The following NRL variants were observed in gnomAD, a reference collection of about 807,000 sequenced individuals.
The protein encoded by NRL is neural retina-specific leucine zipper protein.
In NRL, 16 loss-of-function variants were observed where a neutral mutation model predicts 12.5. That is an observed-to-expected ratio of 1.28 (90% CI 0.87 to 1.95). NRL has a LOEUF of 1.95. NRL is among the 30% of genes most tolerant of loss of function. The pLI, the probability that NRL is intolerant of heterozygous loss-of-function variation, is 0.00. For missense variants in NRL, 314 were observed against 325.8 expected, an observed-to-expected ratio of 0.96 and a Z score of 0.28; for synonymous variants, 142 against 150.9, an observed-to-expected ratio of 0.94 and a Z score of 0.43.
rs2138864497 is a variant in NRL at position 24,079,984 on chromosome 14, C to A, written c.*1252G>T. Reference sequence around the variant, plus strand: ...TGCCCCTCCACCCCATTTCCATTGGCTCTCCATAACAGATGTGCCACCCAG... The same window carrying A: ...TGCCCCTCCACCCCATTTCCATTGGATCTCCATAACAGATGTGCCACCCAG... On this transcript the variant is annotated 3_prime_UTR_variant, in exon 3 of 3. Coordinates refer to ENST00000561028, the MANE Select transcript of NRL (RefSeq NM_001354768.3). 1 of 152,298 alleles carries A rather than the reference C, an allele frequency of 6.6e-6. No individual in the cohort carries two copies. Among genetic ancestry groups the A allele is most frequent in the African/African-American group, 2.4e-5 (1 of 41,546 alleles). 9.4% of individuals were successfully genotyped at this position (152,298 alleles called of 1,614,324 possible). A position where few individuals can be genotyped will look rare whatever the true frequency, so the allele number is the denominator to read the frequency against.
At chr14:24,099,348 G>A (rs1221119266) in intron 1 of NRL, 1 of 1,156,646 alleles carries the variant, frequency 8.6e-7, no homozygotes, top group Non-Finnish European at 1.2e-6. Context: ...TGGTGGGCGG[G>A]GACTCTACTT....
At chr14:24,089,528 T>C (rs2036559002) in intron 1 of NRL, among the ~76,000 whole-genome samples, 1 of 152,242 alleles carries the variant, frequency 6.6e-6, no homozygotes. Flanking sequence ...TTACAAGGCA[T>C]GAGCCACCAC....
chr14:24,102,926 G>T (rs1167097622), intron 1 of NRL: 3 of 1,601,190 alleles, frequency 1.9e-6, no homozygotes, highest in Non-Finnish European at 2.6e-6. Flanking sequence ...CTTGGCAAAA[G>T]GGCTATCTCT....
In NRL at chr14:24,094,069, A is replaced by C. The variant is rs1430576451; in HGVS notation, c.-27-11194T>G. On this transcript the variant is annotated intron_variant, in intron 1 of 2. Coordinates refer to ENST00000561028, the MANE Select transcript of NRL (RefSeq NM_001354768.3). This position sits in a 1 kb window ranked among gnomAD's most constrained non-coding sequence, Gnocchi z 4.1. ...TGTGCGGCTGGGAGGGCGGTGGCGG[A>C]TGGGGGGCGGGGCCTCGAAGTCGGG... is the stretch of plus-strand genomic sequence containing the variant. 5.6e-6 allele frequency: 3 copies of C among 533,876 alleles called. No individual in the cohort carries two copies. Among genetic ancestry groups the C allele is most frequent in the Non-Finnish European group, 9.8e-6 (3 of 304,752 alleles). 33.1% of individuals were successfully genotyped at this position (533,876 alleles called of 1,614,324 possible). A position where few individuals can be genotyped will look rare whatever the true frequency, so the allele number is the denominator to read the frequency against.
At chr14:24,091,155 G>A (rs1161441682) in intron 1 of NRL, among the ~76,000 whole-genome samples, 1 of 150,488 alleles carries the variant, frequency 6.6e-6, no homozygotes, top group East Asian at 1.9e-4. Flanking sequence ...GTGTGTGTGT[G>A]TGTGTGTGTG....
intron 1 of NRL, chr14:24,099,465 C>T: frequency 8.2e-7 from 1 of 1,222,610 alleles, no homozygotes. Context: ...AAACATTGGT[C>T]CTCCCTATTA....
intron 1 of NRL, 51 bp downstream of exon 1, chr14:24,114,664 CCTCCTTG>C: frequency 1.0e-6 from 1 of 985,372 alleles, no homozygotes; most frequent in Non-Finnish European, 1.2e-6. Flanking sequence ...AGCTAACAGC[CCTCCTTG>C]GGTGTGCACT....
intron 1 of NRL, chr14:24,103,743 G>T (rs1369042648): frequency 1.2e-6 from 2 of 1,614,182 alleles, no homozygotes; most frequent in Admixed American, 3.3e-5. Flanking sequence ...GGAGGACAGT[G>T]CCCGAGAGAC....
At chr14:24,091,173 C>T (rs2036621053) in intron 1 of NRL, among the ~76,000 whole-genome samples, 1 of 137,428 alleles carries the variant, frequency 7.3e-6, no homozygotes, top group African/African-American at 2.8e-5. Context: ...GTGTTAGAGA[C>T]AGAGTCTCAC....
chr14:24,088,673 G>GAT (rs1345444355), intron 1 of NRL, among the ~76,000 whole-genome samples: 1 of 145,490 alleles, frequency 6.9e-6, no homozygotes, highest in Non-Finnish European at 1.5e-5. Context: ...TTTTTTTTGA[G>GAT]ATAGCTCTGT....
chr14:24,103,384 CT>C, intron 1 of NRL: 1 of 1,161,584 alleles, frequency 8.6e-7, no homozygotes, highest in Non-Finnish European at 1.3e-6. Context: ...CCACTTCTAT[CT>C]TTTCCCCATC....
At chr14:24,096,877 CT>C (rs1412182493) in intron 1 of NRL, 1 of 1,606,106 alleles carries the variant, frequency 6.2e-7, no homozygotes, top group African/African-American at 1.3e-5. Flanking sequence ...CTCATTGCCT[CT>C]GTTTCTCCTA....
chr14:24,095,432 C>G (rs1373137303), intron 1 of NRL: 3 of 349,906 alleles, frequency 8.6e-6, no homozygotes, highest in Non-Finnish European at 1.7e-5. Flanking sequence ...ATCTATCCTG[C>G]TTTAGCGGAA....
chr14:24,101,688 C>G (rs573508266), intron 1 of NRL, among the ~76,000 whole-genome samples: 2 of 152,094 alleles, frequency 1.3e-5, no homozygotes, highest in African/African-American at 2.4e-5. Flanking sequence ...TTTGGGAGGC[C>G]GAGGCAGTTG....
At position 24,082,746 on chromosome 14, in the gene NRL, G is replaced by A. The variant is rs374903210; in HGVS notation, c.103C>T (p.Pro35Ser). Residue 35 changes from proline (P) to serine (S), a missense_variant, in exon 2 of 3, where the codon CCT (proline) becomes TCT (serine). Pro to Ser is a moderately conservative substitution (Grantham distance 74, BLOSUM62 -1). Coordinates refer to ENST00000561028, the MANE Select transcript of NRL (RefSeq NM_001354768.3). ...REPSEGRPGP[P>S]TASLGSTPYS... is the part of the protein sequence containing the mutation. ...GGTGTGGAGCCCAGTGAGGCTGTAGGGGGGCCAGGTCGGCCCTCAGAGGGT... is the reference window on the plus strand; with the variant it reads ...GGTGTGGAGCCCAGTGAGGCTGTAGAGGGGCCAGGTCGGCCCTCAGAGGGT... The A allele has an allele frequency of 1.2e-6, 2 of 1,614,206 alleles. No individual in the cohort carries two copies. The highest frequency in any genetic ancestry group is 1.7e-6 in the Non-Finnish European group (2 of 1,180,042).
intron 1 of NRL, chr14:24,097,145 T>C (rs1269711047): frequency 6.2e-7 from 1 of 1,612,810 alleles, no homozygotes; most frequent in East Asian, 2.2e-5. Context: ...CTGGTAAGCC[T>C]TGGGCTCCAC....
In NRL at chr14:24,082,548, C is replaced by G; in HGVS notation, c.301G>C (p.Gly101Arg). ...CCATCAACAGGGACTGGGCCCTGAC[C>G]CTGCAGCAGCTCCATGGCCTCTTCA... ...SPEEAMELLQGQGPVPVDGPH... is the reference protein window; with the variant it reads ...SPEEAMELLQRQGPVPVDGPH... Residue 101 changes from glycine (G) to arginine (R), a missense_variant, in exon 2 of 3, where the codon GGT becomes CGT. Physicochemically the swap from Gly to Arg is moderately radical, Grantham distance 125. Coordinates refer to ENST00000561028, the MANE Select transcript of NRL (RefSeq NM_001354768.3). The G allele has an allele frequency of 6.2e-7, 1 of 1,613,534 alleles. No homozygotes were observed. The highest frequency in any genetic ancestry group is 8.5e-7 in the Non-Finnish European group (1 of 1,180,030).
chr14:24,098,334 C>T, intron 1 of NRL: 1 of 1,613,882 alleles, frequency 6.2e-7, no homozygotes, highest in Non-Finnish European at 8.5e-7. Flanking sequence ...AACTGGATGT[C>T]CCCAGCTGAT....
chr14:24,098,948 C>A, intron 1 of NRL: 1 of 910,780 alleles, frequency 1.1e-6, no homozygotes. Flanking sequence ...GGTGCTGCTA[C>A]TGCTCCCAAG....
Sources: gnomAD v4.1 joint callset for allele counts (sites outside exome capture counted in the v4.1 genomes callset) on GRCh38, gnomAD v4.1.1 for gene constraint, Gnocchi (gnomAD v3.1) non-coding constraint, MANE v1.5 for transcripts, NCBI Gene and HGNC (gene_info 2026-07-23, HGNC 2026-07-21) for gene names.